The following LTN1 variants were observed in gnomAD, a reference collection of about 807,000 sequenced individuals.
The protein encoded by LTN1 is listerin E3 ubiquitin protein ligase 1, also known as E3 ubiquitin-protein ligase listerin.
A neutral mutation model predicts 201.2 loss-of-function variants in LTN1; 88 were observed. That is an observed-to-expected ratio of 0.44 (90% CI 0.37 to 0.52). The LOEUF is 0.52. Among genes scored for constraint, LTN1 ranks in the 20% least tolerant of loss-of-function variants. The pLI, the probability that LTN1 is intolerant of heterozygous loss-of-function variation, is 0.00. For missense variants in LTN1, 1,752 were observed against 2,038.7 expected (o/e 0.86, Z 2.71); for synonymous variants, 645 against 713.5 (o/e 0.90, Z 1.53).
At position 28,957,375 on chromosome 21, in the gene LTN1, T is replaced by C. The variant is rs377552259; in HGVS notation, c.2849A>G (p.Asn950Ser). 3.1e-5 allele frequency: 49 copies of C among 1,606,428 alleles called. No individual in the cohort carries two copies. The highest frequency in any genetic ancestry group is 4.2e-5 in the Non-Finnish European group (49 of 1,177,386). The change falls in exon 15 of 30, where the codon AAC becomes AGC. Residue 950 changes from asparagine to serine, a missense_variant. Coordinates refer to ENST00000361371, the MANE Select transcript of LTN1 (RefSeq NM_015565.3). ...CCTCATCTTTTCCCATTCACTGTCG[T>C]TCGGCATTACACTTCCAATATAAAC... ...MGVYIGSVMP[N>S]DSEWEKMRQS... is the part of the protein sequence containing the mutation.
At chr21:28,955,338 A>G (rs1268407247) in intron 16 of LTN1, among the ~76,000 whole-genome samples, 1 of 152,138 alleles carries the variant, frequency 6.6e-6, no homozygotes, top group East Asian at 1.9e-4. Flanking sequence ...TGCTGGCAAG[A>G]ATGCAGAGAA....
chr21:28,989,889 G>A (rs2084731676), intron 1 of LTN1, among the ~76,000 whole-genome samples: 1 of 151,482 alleles, frequency 6.6e-6, no homozygotes, highest in Non-Finnish European at 1.5e-5. Context: ...GATGGTGCAT[G>A]CCTGTAATCC....
chr21:28,948,396 A>G (rs1031965019), intron 18 of LTN1, among the ~76,000 whole-genome samples: 2 of 150,258 alleles, frequency 1.3e-5, no homozygotes, highest in East Asian at 4.0e-4. Context: ...CAGCCTCCCA[A>G]ATAGCTCGGA....
intron 3 of LTN1, among the ~76,000 whole-genome samples, chr21:28,985,191 G>A (rs1289388398): frequency 6.6e-6 from 1 of 152,158 alleles, no homozygotes; most frequent in Non-Finnish European, 1.5e-5. Context: ...CGAGCCTGGT[G>A]GCTCGTGCCT....
At position 28,961,684 on chromosome 21, in the gene LTN1, C is replaced by T. The variant is rs368484986; in HGVS notation, c.2164-978G>A. On this transcript the variant is annotated intron_variant, in intron 11 of 29. Transcript: ENST00000361371. ...GACCTTGGACAAATCTTTTAATCAGCGTGGGCCTATCTCCTAATTTGAAAG... is the reference window on the plus strand; with the variant it reads ...GACCTTGGACAAATCTTTTAATCAGTGTGGGCCTATCTCCTAATTTGAAAG... Among the ~76,000 whole-genome samples the T allele has an allele frequency of 1.1e-3, 168 of 152,262 alleles. 1 individual carries two copies. The highest frequency in any genetic ancestry group is 3.9e-3 in the African/African-American group (164 of 41,562).
chr21:28,941,559 C>T (rs1262339615), intron 24 of LTN1, among the ~76,000 whole-genome samples, 153 bp from the exon 25 acceptor site: 1 of 152,098 alleles, frequency 6.6e-6, no homozygotes, highest in Non-Finnish European at 1.5e-5. Flanking sequence ...ATTTTAACTC[C>T]TAATCTCACA....
intron 6 of LTN1, among the ~76,000 whole-genome samples, chr21:28,979,673 AC>A: frequency 6.6e-6 from 1 of 152,302 alleles, no homozygotes; most frequent in South Asian, 2.1e-4. Context: ...CAAAAACAAA[AC>A]TTGCGGTGTC....
intron 19 of LTN1, 25 bp from the exon 20 acceptor site, chr21:28,946,312 T>C: frequency 6.7e-7 from 1 of 1,484,982 alleles, no homozygotes; most frequent in Non-Finnish European, 9.0e-7. Flanking sequence ...AAAATGAAAA[T>C]TAAAAATATT....
In LTN1 at chr21:28,955,216, G is replaced by A. The variant is rs114337039; in HGVS notation, c.3079+1546C>T. ...GGGAATGGTGGCACTGCTTGTAATC[G>A]CAGCACTTTGGGAGGCTGAGGCAAG... On this transcript the variant is annotated intron_variant, in intron 16 of 29. Coordinates refer to ENST00000361371, the MANE Select transcript of LTN1 (RefSeq NM_015565.3). Among the ~76,000 whole-genome samples, 327 of 152,028 alleles carry A rather than the reference G, an allele frequency of 2.2e-3. 1 individual carries two copies. The highest frequency in any genetic ancestry group is 7.5e-3 in the African/African-American group (313 of 41,496).
chr21:28,963,170 C>T lies in LTN1; in HGVS notation c.2164-2464G>A, dbSNP rs1052800680. On this transcript the variant is annotated intron_variant, in intron 11 of 29. Transcript: ENST00000361371. ...TAGCTAAGATCAATAATGAAGGTGG[C>T]TACACTAAACAGATTTTCAGTGGAG... Among the ~76,000 whole-genome samples the T allele has an allele frequency of 2.0e-5, 3 of 152,324 alleles. No individual in the cohort carries two copies. The East Asian group carries it at 5.8e-4, about 29-fold the overall frequency.
intron 9 of LTN1, among the ~76,000 whole-genome samples, chr21:28,969,139 T>C (rs1358616822): frequency 6.6e-6 from 1 of 151,784 alleles, no homozygotes; most frequent in Non-Finnish European, 1.5e-5. Context: ...GAGAATAGCT[T>C]GAACCCGGGA....
chr21:28,971,203 G>T, intron 7 of LTN1, 68 bp downstream of exon 7: 1 of 1,261,806 alleles, frequency 7.9e-7, no homozygotes, highest in Non-Finnish European at 1.1e-6. Context: ...CATTTTCCCA[G>T]TAAGTTTTGG....
intron 5 of LTN1, among the ~76,000 whole-genome samples, chr21:28,981,641 A>G (rs2146314325): frequency 6.6e-6 from 1 of 152,336 alleles, no homozygotes; most frequent in Middle Eastern, 3.4e-3. Context: ...CTTTGATTAG[A>G]ATATAGAAGT....
Position 28,943,453 on chromosome 21 carries a change from T to C in LTN1, c.4221-117A>G, listed in dbSNP as rs147691466. The C allele has an allele frequency of 2.3e-3, 1,645 of 718,934 alleles. 14 individuals carry two copies. In the African/African-American group the frequency reaches 0.024, roughly 10 times the overall value. 44.5% of individuals were successfully genotyped at this position (718,934 alleles called of 1,614,324 possible). A position where few individuals can be genotyped will look rare whatever the true frequency, so the allele number is the denominator to read the frequency against. On this transcript the variant is annotated intron_variant, in intron 23 of 29. Coordinates refer to ENST00000361371, the MANE Select transcript of LTN1 (RefSeq NM_015565.3). ...TGAGTAAATGTTTTAATGAGTTTTC[T>C]TTAAAATAACTACTATAGCCAGGAC...
chr21:28,988,018 C>G (rs2705657), intron 1 of LTN1, among the ~76,000 whole-genome samples: 1 of 152,006 alleles, frequency 6.6e-6, no homozygotes, highest in African/African-American at 2.4e-5. Flanking sequence ...TGGCGCACGC[C>G]TGTAATCCCA....
Position 28,940,337 on chromosome 21 carries a change from C to A in LTN1, c.4482+883G>T, listed in dbSNP as rs1157901482. Among the ~76,000 whole-genome samples, 3 of 152,174 alleles carry A rather than the reference C, an allele frequency of 2.0e-5. No homozygotes were observed. In the East Asian group the frequency reaches 5.8e-4, roughly 29 times the overall value. ...AAAACTAGAGAGATCTTTCCAGTTT[C>A]TTCTTGGACAAGGTCTTACTTCCTA... is the stretch of plus-strand genomic sequence containing the variant. On this transcript the variant is annotated intron_variant, in intron 25 of 29. Coordinates refer to ENST00000361371, the MANE Select transcript of LTN1 (RefSeq NM_015565.3).
At chr21:28,958,900 G>GA (rs1383312530) in intron 13 of LTN1, among the ~76,000 whole-genome samples, 1 of 147,886 alleles carries the variant, frequency 6.8e-6, no homozygotes, top group South Asian at 2.1e-4. Context: ...ATGATGGGCA[G>GA]AAAAAAAAGA....
At chr21:28,941,526 A>T (rs1157956425) in intron 24 of LTN1, 120 bp from the exon 25 acceptor site, 1 of 761,352 alleles carries the variant, frequency 1.3e-6, no homozygotes, top group African/African-American at 1.8e-5. Flanking sequence ...AAAACGTTTT[A>T]AAAATTCCCC....
At chr21:28,941,089 T>C in intron 25 of LTN1, 131 bp downstream of exon 25, 1 of 671,492 alleles carries the variant, frequency 1.5e-6, no homozygotes, top group Non-Finnish European at 2.4e-6. Context: ...ATAAACAAAA[T>C]AAAATAAATT....
Sources: gnomAD v4.1 joint callset for allele counts (sites outside exome capture counted in the v4.1 genomes callset) on GRCh38, gnomAD v4.1.1 for gene constraint, MANE v1.5 for transcripts, NCBI Gene and HGNC (gene_info 2026-07-23, HGNC 2026-07-21) for gene names.